KCNJ3: variants seen among roughly 807,000 people sequenced by gnomAD.
KCNJ3 encodes potassium inwardly rectifying channel subfamily J member 3, also known as G protein-activated inward rectifier potassium channel 1.
A neutral mutation model predicts 39.2 loss-of-function variants in KCNJ3; 4 were observed. The ratio of observed to expected loss-of-function variants is 0.10; its 90% confidence interval spans 0.05 to 0.23. The LOEUF is 0.23. KCNJ3 is among the 10% of genes least tolerant of loss of function. KCNJ3 has a pLI of 1.00. For missense variants in KCNJ3, 276 were observed against 634.9 expected, an observed-to-expected ratio of 0.43 and a Z score of 6.08; for synonymous variants, 230 against 237.4, an observed-to-expected ratio of 0.97 and a Z score of 0.29.
chr2:154,808,340 C>T (rs1019411677), intron 2 of KCNJ3, among the ~76,000 whole-genome samples: 1 of 151,982 alleles, frequency 6.6e-6, no homozygotes, highest in Non-Finnish European at 1.5e-5. Context: ...CTCAGCCTCT[C>T]AAAGTGCTGG....
intron 2 of KCNJ3, among the ~76,000 whole-genome samples, chr2:154,847,000 G>A (rs1442374546): frequency 2.6e-5 from 4 of 152,094 alleles, no homozygotes; most frequent in Non-Finnish European, 5.9e-5. Context: ...GTAAATAATA[G>A]AGGATAATAT....
intron 2 of KCNJ3, among the ~76,000 whole-genome samples, chr2:154,722,695 T>G (rs1685284224): frequency 6.6e-6 from 1 of 152,082 alleles, no homozygotes; most frequent in African/African-American, 2.4e-5. Context: ...ACAATTGCAC[T>G]TTAGAAAAAA....
intron 2 of KCNJ3, among the ~76,000 whole-genome samples, chr2:154,757,509 T>C (rs1218817249): frequency 1.3e-5 from 2 of 152,144 alleles, no homozygotes; most frequent in Non-Finnish European, 2.9e-5. Flanking sequence ...ATATTGCATA[T>C]TTTGTTGATT....
chr2:154,700,208 C>T (rs577362638), intron 1 of KCNJ3, among the ~76,000 whole-genome samples: 1 of 152,314 alleles, frequency 6.6e-6, no homozygotes, highest in South Asian at 2.1e-4. Context: ...TTCTGTGAAG[C>T]CTTTGTCAAT....
At chr2:154,733,584 T>C (rs115971597) in intron 2 of KCNJ3, among the ~76,000 whole-genome samples, 4,044 of 152,268 alleles carry the variant, frequency 0.027, 158 homozygotes, top group African/African-American at 0.092. Flanking sequence ...GAAATGTCTA[T>C]GAAAAATTCC....
intron 1 of KCNJ3, among the ~76,000 whole-genome samples, chr2:154,705,564 T>C (rs1684993915): frequency 6.6e-6 from 1 of 152,250 alleles, no homozygotes; most frequent in Non-Finnish European, 1.5e-5. Context: ...ATTGCTTCTT[T>C]GAAATTAGTA....
chr2:154,810,990 C>T (rs1248472044), intron 2 of KCNJ3, among the ~76,000 whole-genome samples: 1 of 152,214 alleles, frequency 6.6e-6, no homozygotes, highest in Non-Finnish European at 1.5e-5. Context: ...TGGAATGTCT[C>T]TTGCATTCTC....
chr2:154,722,566 A>C (rs1382037771), intron 2 of KCNJ3, among the ~76,000 whole-genome samples: 1 of 152,112 alleles, frequency 6.6e-6, no homozygotes, highest in African/African-American at 2.4e-5. Context: ...ATTTCAGGAG[A>C]TGTTAGTGGA....
intron 2 of KCNJ3, among the ~76,000 whole-genome samples, chr2:154,712,802 CA>C (rs1351942203): frequency 6.6e-6 from 1 of 152,036 alleles, no homozygotes; most frequent in Non-Finnish European, 1.5e-5. Flanking sequence ...AAATAAACAA[CA>C]AAACCAAGGT....
At chr2:154,732,480 G>T (rs891531699) in intron 2 of KCNJ3, among the ~76,000 whole-genome samples, 1 of 152,034 alleles carries the variant, frequency 6.6e-6, no homozygotes, top group East Asian at 1.9e-4. Flanking sequence ...TCATATTTTG[G>T]AAAAAGACTC....
At position 154,761,032 on chromosome 2, in the gene KCNJ3, C is replaced by T. The variant is rs897110802; in HGVS notation, c.919+51213C>T. Among the ~76,000 whole-genome samples, 11 of 148,808 alleles carry T rather than the reference C, an allele frequency of 7.4e-5. 1 individual carries two copies. Among genetic ancestry groups the T allele is most frequent in the Admixed American group, 4.1e-4 (6 of 14,686 alleles). ...GATTACAGGTGTGAGCCACCGTGAC[C>T]GGCCCCCTTAAATTTTTTTTTAATT... is the stretch of plus-strand genomic sequence containing the variant. On this transcript the variant is annotated intron_variant, in intron 2 of 2. Transcript: ENST00000295101.
At chr2:154,709,482 G>T in intron 1 of KCNJ3, 121 bp from the exon 2 acceptor site, 1 of 997,246 alleles carries the variant, frequency 1.0e-6, no homozygotes, top group Non-Finnish European at 1.5e-6. Context: ...TGATTTGTTT[G>T]GATTTTGTTG....
At chr2:154,716,622 T>G (rs1244029796) in intron 2 of KCNJ3, among the ~76,000 whole-genome samples, 1 of 152,192 alleles carries the variant, frequency 6.6e-6, no homozygotes, top group Non-Finnish European at 1.5e-5. Context: ...TATGAAAATG[T>G]TTTCTTAATG....
chr2:154,715,661 A>T lies in KCNJ3; in HGVS notation c.919+5842A>T, dbSNP rs113059207. Among the ~76,000 whole-genome samples, 554 of 152,358 alleles carry T rather than the reference A, an allele frequency of 3.6e-3. 3 individuals are homozygous for T. Among genetic ancestry groups the T allele is most frequent in the African/African-American group, 0.012 (487 of 41,588 alleles). On this transcript the variant is annotated intron_variant, in intron 2 of 2. Transcript: ENST00000295101. The stretch of plus-strand genomic sequence containing the variant: ...TCGCACTGTTAACACATTTGTGAGT[A>T]AGGTGCTTATATTCAGATATATTAT...
Position 154,854,997 on chromosome 2 carries a change from C to A in KCNJ3, c.1190C>A (p.Thr397Lys), listed in dbSNP as rs1487774593. The A allele has an allele frequency of 1.2e-6, 2 of 1,613,824 alleles. No individual in the cohort carries two copies. The highest frequency in any genetic ancestry group is 1.7e-6 in the Non-Finnish European group (2 of 1,179,918). ...ECLDGLDDITTKLPSKLQKIT... is the reference protein window; with the variant it reads ...ECLDGLDDITKKLPSKLQKIT... ...TTAGATGGACTAGATGATATTACTA[C>A]AAAACTACCATCTAAGCTGCAGAAA... The change falls in exon 3 of 3, where the codon ACA (threonine) becomes AAA (lysine). Residue 397 changes from threonine to lysine, a missense_variant. Around this residue, in one of 4 missense-constraint regions of KCNJ3, gnomAD observed 126 missense variants for 179.8 expected, o/e 0.70. Transcript: ENST00000295101.
chr2:154,777,038 A>ACATG (rs1162402440), intron 2 of KCNJ3, among the ~76,000 whole-genome samples: 2 of 124,704 alleles, frequency 1.6e-5, no homozygotes, highest in Non-Finnish European at 1.9e-5. Flanking sequence ...TCACACGTAC[A>ACATG]CACGCACACA....
intron 2 of KCNJ3, among the ~76,000 whole-genome samples, chr2:154,782,886 G>C (rs887545210): frequency 6.6e-6 from 1 of 152,050 alleles, no homozygotes; most frequent in Non-Finnish European, 1.5e-5. Flanking sequence ...TCCTAAAAGA[G>C]TACTTTTAGG....
rs1553463167 is a variant in KCNJ3 at position 154,855,623 on chromosome 2, A to AAT, written c.*323_*324dup. On this transcript the variant is annotated 3_prime_UTR_variant, in exon 3 of 3. Transcript: ENST00000295101. ...TTTATATTGTATATTCTGGAAAAAA[A>AAT]ATATATATATATATTTAAAGGGGAG... is the stretch of plus-strand genomic sequence containing the variant. The AAT allele has an allele frequency of 5.6e-3, 935 of 166,500 alleles. 15 individuals carry two copies. Among genetic ancestry groups the AAT allele is most frequent in the East Asian group, 0.048 (282 of 5,888 alleles). The allele number at this position is 166,500 out of a possible 1,614,324, so 10.3% of individuals were successfully genotyped here. A position where few individuals can be genotyped will look rare whatever the true frequency, so the allele number is the denominator to read the frequency against.
rs1287596519 is a variant in KCNJ3 at position 154,857,074 on chromosome 2, A to G, written c.*1761A>G. On this transcript the variant is annotated 3_prime_UTR_variant, in exon 3 of 3. Coordinates refer to ENST00000295101, the MANE Select transcript of KCNJ3 (RefSeq NM_002239.4). ...CTTCTGGCTACCTCTGTATCAACCAAATTCTGTAGGTGCAAACATATACCA... is the reference window on the plus strand; with the variant it reads ...CTTCTGGCTACCTCTGTATCAACCAGATTCTGTAGGTGCAAACATATACCA... 1 of 152,152 alleles carries G rather than the reference A, an allele frequency of 6.6e-6. No individual in the cohort carries two copies. The highest frequency in any genetic ancestry group is 1.5e-5 in the Non-Finnish European group (1 of 68,024). The allele number at this position is 152,152 out of a possible 1,614,324, so 9.4% of individuals were successfully genotyped here.
Sources: allele counts gnomAD v4.1 joint callset (sites outside exome capture counted in the v4.1 genomes callset), GRCh38; gene constraint gnomAD v4.1.1; regional missense constraint gnomAD v4.1.1; transcripts MANE v1.5; gene names NCBI Gene and HGNC (gene_info 2026-07-23, HGNC 2026-07-21).